KHSRP: variants seen among roughly 807,000 people sequenced by gnomAD.
The protein encoded by KHSRP is far upstream element-binding protein 2.
Under a neutral mutation model 94.9 loss-of-function variants are expected in KHSRP, and 13 were observed. The ratio of observed to expected loss-of-function variants is 0.14; its 90% CI spans 0.09 to 0.22. KHSRP has a LOEUF of 0.22. Among genes scored for constraint, KHSRP ranks in the 10% least tolerant of loss-of-function variants. The pLI is 1.00. For missense variants in KHSRP, 710 were observed against 1,010.0 expected (o/e 0.70, Z 4.03); for synonymous variants, 495 against 401.4 (o/e 1.23, Z -2.79).
At chr19:6,417,186 G>T in intron 11 of KHSRP, 99 bp from the exon 12 acceptor site, 2 of 890,380 alleles carry the variant, frequency 2.2e-6, no homozygotes, top group Non-Finnish European at 3.4e-6. Flanking sequence ...ACGCCGGCCT[G>T]AGATCTCAGA....
At chr19:6,417,128 G>A (rs757960877) in intron 11 of KHSRP, 41 bp from the exon 12 acceptor site, 38 of 1,523,428 alleles carry the variant, frequency 2.5e-5, no homozygotes, top group Non-Finnish European at 1.5e-5. Context: ...AAGTTTAAAA[G>A]AAGAGCCCAC....
intron 10 of KHSRP, 26 bp downstream of exon 10, chr19:6,417,955 G>C (rs374896219): frequency 2.5e-6 from 4 of 1,609,604 alleles, no homozygotes; most frequent in East Asian, 2.2e-5. Context: ...GGGGGAGAGG[G>C]GGGTGAAGGC....
Position 6,416,288 on chromosome 19 carries a change from G to GGATACT in KHSRP, c.1598+4_1598+9dup, listed in dbSNP as rs1568341775. 1.3e-6 allele frequency: 2 copies of GGATACT among 1,590,646 alleles called. No individual in the cohort carries two copies. The highest frequency in any genetic ancestry group is 2.3e-5 in the South Asian group (2 of 88,598). On this transcript the variant is annotated intron_variant, in intron 15 of 18. Transcript: ENST00000600480. ...CCGGCCTCAAAACCCAGGAGGCAGA[G>GGATACT]GATACTCACTGTGGGGGAGCCCCGG... is the stretch of plus-strand genomic sequence containing the variant.
chr19:6,419,981 T>C lies in KHSRP; in HGVS notation c.547+92A>G, dbSNP rs2092185394. On this transcript the variant is annotated intron_variant, in intron 6 of 18. Transcript: ENST00000600480. ...CCAACAAGCGCCAGCTCGCTTCCTGTCCACAGTCCCCGTGGAAATTAAGTA... is the reference window on the plus strand; with the variant it reads ...CCAACAAGCGCCAGCTCGCTTCCTGCCCACAGTCCCCGTGGAAATTAAGTA... The C allele has an allele frequency of 1.4e-5, 14 of 997,828 alleles. No individual in the cohort carries two copies. The South Asian group carries it at 1.8e-4, about 13-fold the overall frequency. The allele number at this position is 997,828 out of a possible 1,614,324, so 61.8% of individuals were successfully genotyped here.
intron 6 of KHSRP, among the ~76,000 whole-genome samples, chr19:6,419,691 T>C (rs893359974): frequency 2.6e-5 from 4 of 152,144 alleles, no homozygotes; most frequent in African/African-American, 9.7e-5. Flanking sequence ...AGAACCGGGA[T>C]TTGCTCCTGG....
Position 6,413,957 on chromosome 19 carries a change from C to G in KHSRP, c.*1067G>C. Reference sequence around the variant, plus strand: ...GCGAGAGAGTGAGGGCCCGGCATGCCCCCAAGTCCCCCCCACCCTGCTTGC... The same window carrying G: ...GCGAGAGAGTGAGGGCCCGGCATGCGCCCAAGTCCCCCCCACCCTGCTTGC... On this transcript the variant is annotated 3_prime_UTR_variant, in exon 19 of 19. Coordinates refer to ENST00000600480, the MANE Select transcript of KHSRP (RefSeq NM_001366299.1). 2.2e-6 allele frequency: 2 copies of G among 890,536 alleles called. No homozygotes were observed. Among genetic ancestry groups the G allele is most frequent in the Non-Finnish European group, 3.3e-6 (2 of 611,448 alleles). 55.2% of individuals were successfully genotyped at this position (890,536 alleles called of 1,614,324 possible).
rs2092166607 is a variant in KHSRP, at chr19:6,418,158, TC to T, written c.880-80del. 1 of 1,302,696 alleles carries T rather than the reference TC, an allele frequency of 7.7e-7. No individual in the cohort carries two copies. The highest frequency in any genetic ancestry group is 1.5e-5 in the African/African-American group (1 of 68,522). The allele number at this position is 1,302,696 out of a possible 1,614,324, so 80.7% of individuals were successfully genotyped here. On this transcript the variant is annotated intron_variant, in intron 9 of 18. Transcript: ENST00000600480. This position sits in a 1 kb window ranked among gnomAD's most constrained non-coding sequence, Gnocchi z 4.3. Reference sequence around the variant, plus strand: ...CCCCACCTCCTCGGGGGTGCGGGCCTCAACTAAGGACCCACGAACCCTGGGT... The same window carrying T: ...CCCCACCTCCTCGGGGGTGCGGGCCTAACTAAGGACCCACGAACCCTGGGT...
chr19:6,415,836 C>T lies in KHSRP; in HGVS notation c.1659G>A (p.Gln553=), dbSNP rs368528290. The T allele has an allele frequency of 1.3e-5, 21 of 1,576,180 alleles. No individual in the cohort carries two copies. The highest frequency in any genetic ancestry group is 1.7e-5 in the Non-Finnish European group (20 of 1,161,860). Residue 553 remains glutamine (Q), a synonymous_variant, in exon 16 of 19, where the codon CAG becomes CAA. Coordinates refer to ENST00000600480, the MANE Select transcript of KHSRP (RefSeq NM_001366299.1). The stretch of plus-strand genomic sequence containing the variant: ...GGTCATGAGGAGCAGGCGGCTGCCA[C>T]TGGGGGTAGGTATTGCCCCAGCCCT... The part of the protein sequence containing the change: ...PPQGWGNTYP[Q]WQPPAPHDPS...
At position 6,416,478 on chromosome 19, in the gene KHSRP, G is replaced by A. The variant is rs200038066; in HGVS notation, c.1488+12C>T. ...CTGTGAGACCAAATCCCCAGAGCCC[G>A]CCCCAACCCACCTCGATCTTTTCCT... On this transcript the variant is annotated intron_variant, in intron 14 of 18. Coordinates refer to ENST00000600480, the MANE Select transcript of KHSRP (RefSeq NM_001366299.1). The A allele has an allele frequency of 4.7e-4, 764 of 1,612,290 alleles. 4 individuals are homozygous for A. The highest frequency in any genetic ancestry group is 1.1e-3 in the South Asian group (99 of 90,924).
rs1555725658 is a variant in KHSRP at position 6,413,144 on chromosome 19, A to AAAG, written c.*1879_*1880insCTT. ...GCACTTTATTTAACAAAAAAAAAAA[A>AAAG]GGGGGGGGGGCACGGTTAGGAAAGC... is the stretch of plus-strand genomic sequence containing the variant. On this transcript the variant is annotated 3_prime_UTR_variant, in exon 19 of 19. Transcript: ENST00000600480. 8.5e-6 allele frequency among the ~76,000 whole-genome samples: 1 copy of AAAG among 117,208 alleles called. No homozygotes were observed. The highest frequency in any genetic ancestry group is 1.7e-5 in the Non-Finnish European group (1 of 59,744). The allele number at this position is 117,208 out of a possible 152,430, so 76.9% of individuals were successfully genotyped here. A position where few individuals can be genotyped will look rare whatever the true frequency, so the allele number is the denominator to read the frequency against.
At position 6,413,391 on chromosome 19, in the gene KHSRP, A is replaced by C; in HGVS notation, c.*1633T>G. On this transcript the variant is annotated 3_prime_UTR_variant, in exon 19 of 19. Transcript: ENST00000600480. ...ATTTGTGAAGTTAAAAACGAGCGATAAAAAGTAAAAACTGCCATACAATTT... is the reference window on the plus strand; with the variant it reads ...ATTTGTGAAGTTAAAAACGAGCGATCAAAAGTAAAAACTGCCATACAATTT... The C allele has an allele frequency of 2.4e-6, 1 of 417,562 alleles. No individual in the cohort carries two copies. Among genetic ancestry groups the C allele is most frequent in the East Asian group, 8.8e-5 (1 of 11,348 alleles). The allele number at this position is 417,562 out of a possible 1,614,324, so 25.9% of individuals were successfully genotyped here. A position where few individuals can be genotyped will look rare whatever the true frequency, so the allele number is the denominator to read the frequency against.
In KHSRP at chr19:6,415,240, G is replaced by A. The variant is rs374452832; in HGVS notation, c.2028C>T (p.Ala676=). 499 of 1,612,766 alleles carry A rather than the reference G, an allele frequency of 3.1e-4. No individual in the cohort carries two copies. Among genetic ancestry groups the A allele is most frequent in the East Asian group, 6.9e-4 (31 of 44,874 alleles). The part of the protein sequence containing the change: ...APPGSQPDYS[A]AWAEYYRQQA... ...GCTGTCTGTAATATTCCGCCCAGGCGGCACTGTAGTCTGGCTGGGAGCCTG... is the reference window on the plus strand; with the variant it reads ...GCTGTCTGTAATATTCCGCCCAGGCAGCACTGTAGTCTGGCTGGGAGCCTG... Residue 676 remains alanine, a synonymous_variant, in exon 19 of 19, where the codon GCC becomes GCT. Coordinates refer to ENST00000600480, the MANE Select transcript of KHSRP (RefSeq NM_001366299.1).
rs952798144 is a variant in KHSRP, at chr19:6,422,442, A to T, written c.250-6T>A. 4 of 1,607,406 alleles carry T rather than the reference A, an allele frequency of 2.5e-6. No homozygotes were observed. The highest frequency in any genetic ancestry group is 3.4e-6 in the Non-Finnish European group (4 of 1,174,384). The stretch of plus-strand genomic sequence containing the variant: ...CCTCCAATTTTGGCTGCAATCTAGA[A>T]TAAAGTAGTAAGCACAGAAGAATTA... On this transcript the variant is annotated splice_region_variant and splice_polypyrimidine_tract_variant and intron_variant, in intron 1 of 18. Transcript: ENST00000600480.
chr19:6,419,797 C>T (rs112915388), intron 6 of KHSRP, among the ~76,000 whole-genome samples: 89 of 152,344 alleles, frequency 5.8e-4, no homozygotes, highest in African/African-American at 1.6e-3. Context: ...CAGTGCAGTG[C>T]GTCGAAGCTC....
chr19:6,423,625 C>T (rs979881159), intron 1 of KHSRP, among the ~76,000 whole-genome samples: 2 of 152,176 alleles, frequency 1.3e-5, no homozygotes, highest in African/African-American at 4.8e-5. Flanking sequence ...GACAGAGGGC[C>T]AGAACACAGG....
intron 6 of KHSRP, 39 bp downstream of exon 6, chr19:6,420,034 C>T: frequency 6.7e-7 from 1 of 1,496,156 alleles, no homozygotes; most frequent in Non-Finnish European, 9.3e-7. Context: ...AGGGCCCAAC[C>T]CTGGCCCCCA....
intron 5 of KHSRP, 21 bp from the exon 6 acceptor site, chr19:6,420,165 A>C: frequency 6.2e-7 from 1 of 1,604,886 alleles, no homozygotes; most frequent in East Asian, 2.2e-5. Context: ...AAAGAAGGAG[A>C]AAAGCAAAGC....
At position 6,418,994 on chromosome 19, in the gene KHSRP, G is replaced by C; in HGVS notation, c.606-118C>G. 3.3e-6 allele frequency: 4 copies of C among 1,213,040 alleles called. No individual in the cohort carries two copies. The South Asian group carries it at 4.8e-5, about 14-fold the overall frequency. 75.1% of individuals were successfully genotyped at this position (1,213,040 alleles called of 1,614,324 possible). On this transcript the variant is annotated intron_variant, in intron 7 of 18. Transcript: ENST00000600480. This position sits in a 1 kb window ranked among gnomAD's most constrained non-coding sequence, Gnocchi z 4.3. ...CAGAGTGTGCAAGGATGACAGGGAA[G>C]AGGGGCCAGTCACAGGGGCTGTTCA...
Position 6,415,138 on chromosome 19 carries a change from T to C in KHSRP, c.2130A>G (p.Ala710=). ...GAGGAGGAGGGTGGCAATTCCCACT[T>C]GCCTGCTGCTGTCCCTGCTGCGTGG... ...PPPTQQGQQQ[A]SGNCHPPPPP... is the part of the protein sequence containing the mutation. Residue 710 remains alanine (A), a synonymous_variant, in exon 19 of 19, where the codon GCA becomes GCG. Coordinates refer to ENST00000600480, the MANE Select transcript of KHSRP (RefSeq NM_001366299.1). 1 of 1,601,728 alleles carries C rather than the reference T, an allele frequency of 6.2e-7. No individual in the cohort carries two copies. Among genetic ancestry groups the C allele is most frequent in the East Asian group, 2.2e-5 (1 of 44,828 alleles).
Sources: allele counts gnomAD v4.1 joint callset (sites outside exome capture counted in the v4.1 genomes callset), GRCh38; gene constraint gnomAD v4.1.1; non-coding constraint Gnocchi (gnomAD v3.1); transcripts MANE v1.5; gene names NCBI Gene and HGNC (gene_info 2026-07-23, HGNC 2026-07-21).